Variants in SMCO4 observed in about 807,000 individuals in gnomAD.
The protein encoded by SMCO4 is single-pass membrane and coiled-coil domain-containing protein 4.
Under a neutral mutation model 3.6 loss-of-function variants are expected in SMCO4, and 4 were observed. The observed-to-expected ratio is 1.11, with a 90% CI of 0.54 to 2.53. SMCO4 has a LOEUF of 2.53. Among genes scored for constraint, SMCO4 ranks in the 30% most tolerant of loss-of-function variants. The pLI, the probability that SMCO4 is intolerant of heterozygous loss-of-function variation, is 0.02. For synonymous variants in SMCO4, 36 were observed against 35.3 expected (o/e 1.02, Z -0.07); for missense variants, 70 against 80.8 (o/e 0.87, Z 0.51).
chr11:93,506,122 C>T (rs572889821), intron 1 of SMCO4, among the ~76,000 whole-genome samples: 52 of 152,276 alleles, frequency 3.4e-4, no homozygotes, highest in African/African-American at 1.1e-3. Flanking sequence ...TGCACACACA[C>T]ACACGGGGAG....
chr11:93,545,314 G>A (rs1025009876), upstream of SMCO4, among the ~76,000 whole-genome samples: 1 of 152,162 alleles, frequency 6.6e-6, no homozygotes, highest in Non-Finnish European at 1.5e-5. Context: ...TTGGCTGGGC[G>A]TGGTGGCTTA....
chr11:93,523,654 G>A (rs368936922), intron 1 of SMCO4, among the ~76,000 whole-genome samples: 10 of 152,294 alleles, frequency 6.6e-5, no homozygotes, highest in South Asian at 2.1e-4. Flanking sequence ...GCAAGACCCC[G>A]CAAGAAATGA....
upstream of SMCO4, among the ~76,000 whole-genome samples, chr11:93,546,653 C>A (rs185387677): frequency 6.6e-6 from 1 of 152,162 alleles, no homozygotes; most frequent in South Asian, 2.1e-4. Flanking sequence ...CTGGGATGAC[C>A]AATTCACAGT....
intron 1 of SMCO4, among the ~76,000 whole-genome samples, chr11:93,502,903 C>T (rs867413614): frequency 6.6e-6 from 1 of 152,190 alleles, no homozygotes; most frequent in African/African-American, 2.4e-5. Context: ...CACAGGCCAG[C>T]CACTAACCTG....
At chr11:93,539,070 T>C (rs538267411) in intron 1 of SMCO4, among the ~76,000 whole-genome samples, 5 of 152,296 alleles carry the variant, frequency 3.3e-5, no homozygotes, top group East Asian at 3.9e-4. Context: ...TTGCTGGCTA[T>C]GTGAACACAC....
intron 2 of SMCO4, among the ~76,000 whole-genome samples, chr11:93,490,769 A>G (rs1288388340): frequency 6.6e-6 from 1 of 152,230 alleles, no homozygotes; most frequent in African/African-American, 2.4e-5. Context: ...TAAAAGACAG[A>G]ACCTAAACCA....
chr11:93,483,814 A>G lies in SMCO4; in HGVS notation c.-80-4545T>C, dbSNP rs144815393. ...TGGCAGAGTCAAAGGTCAAACCCAC[A>G]TCTGTGACTCTGAAGCCTGGACAGT... On this transcript the variant is annotated intron_variant, in intron 2 of 2. Coordinates refer to ENST00000298966, the MANE Select transcript of SMCO4 (RefSeq NM_020179.3). Among the ~76,000 whole-genome samples, 15 of 152,312 alleles carry G rather than the reference A, an allele frequency of 9.8e-5. No individual in the cohort carries two copies. The East Asian group carries it at 2.9e-3, about 29-fold the overall frequency.
At chr11:93,533,799 C>G (rs188892892) in intron 1 of SMCO4, among the ~76,000 whole-genome samples, 2 of 152,096 alleles carry the variant, frequency 1.3e-5, no homozygotes, top group Non-Finnish European at 2.9e-5. Context: ...TCATCTGCCC[C>G]GACAGCTACT....
chr11:93,497,540 ACT>A lies in SMCO4; in HGVS notation c.-81+1734_-81+1735del, dbSNP rs1948788605. On this transcript the variant is annotated intron_variant, in intron 2 of 2. Coordinates refer to ENST00000298966, the MANE Select transcript of SMCO4 (RefSeq NM_020179.3). ...AGGGTGGAGGGAGCACCAGGGTCAG[ACT>A]CTCAACAGAAGGTCAAGACTCCCCT... 5.3e-5 allele frequency among the ~76,000 whole-genome samples: 8 copies of A among 152,082 alleles called. No individual in the cohort carries two copies. In the South Asian group the frequency reaches 1.7e-3, roughly 32 times the overall value.
chr11:93,552,533 G>A, the SMCO4 span, among the ~76,000 whole-genome samples: 5 of 150,082 alleles, frequency 3.3e-5, no homozygotes, highest in Admixed American at 2.0e-4. Context: ...GTACAATGGC[G>A]TGATCTCGGC....
At chr11:93,534,357 C>G (rs547861685) in intron 1 of SMCO4, among the ~76,000 whole-genome samples, 1 of 87,028 alleles carries the variant, frequency 1.1e-5, no homozygotes, top group South Asian at 5.0e-4. Flanking sequence ...TATACACATA[C>G]ATATATATAT....
chr11:93,507,370 A>G (rs2134605738), intron 1 of SMCO4, among the ~76,000 whole-genome samples: 1 of 152,330 alleles, frequency 6.6e-6, no homozygotes, highest in Middle Eastern at 3.4e-3. Context: ...ACTGCACTTC[A>G]GCCTGGGGGA....
At chr11:93,512,842 C>A (rs1482880991) in intron 1 of SMCO4, among the ~76,000 whole-genome samples, 1 of 152,126 alleles carries the variant, frequency 6.6e-6, no homozygotes, top group East Asian at 1.9e-4. Flanking sequence ...AAGGGTACTA[C>A]AATACAATAC....
intron 2 of SMCO4, chr11:93,481,505 C>T (rs1400459930): frequency 1.0e-6 from 1 of 985,234 alleles, no homozygotes; most frequent in Admixed American, 6.1e-5. Context: ...GCGGCGAATT[C>T]GTGCTAGCTG....
intron 1 of SMCO4, among the ~76,000 whole-genome samples, chr11:93,501,281 G>A (rs1393014667): frequency 6.6e-6 from 1 of 152,222 alleles, no homozygotes. Context: ...CACATAAACA[G>A]CAGAAGTGTC....
chr11:93,479,273 TAG>T lies in SMCO4; in HGVS notation c.-80-6_-80-5del. 6.5e-7 allele frequency: 1 copy of T among 1,529,120 alleles called. No homozygotes were observed. Among genetic ancestry groups the T allele is most frequent in the African/African-American group, 1.4e-5 (1 of 72,394 alleles). The allele number at this position is 1,529,120 out of a possible 1,614,324, so 94.7% of individuals were successfully genotyped here. ...CTCTTGCCAAGGCTGGAACCTCCTGTAGAGAGAACAACTGTGATAGTAGAGAA... is the reference window on the plus strand; with the variant it reads ...CTCTTGCCAAGGCTGGAACCTCCTGTAGAGAACAACTGTGATAGTAGAGAA... On this transcript the variant is annotated splice_region_variant and splice_polypyrimidine_tract_variant and intron_variant, in intron 2 of 2. Transcript: ENST00000298966.
At chr11:93,539,303 G>C (rs189331545) in intron 1 of SMCO4, among the ~76,000 whole-genome samples, 2 of 151,456 alleles carry the variant, frequency 1.3e-5, no homozygotes, top group Admixed American at 6.6e-5. Flanking sequence ...TAAAAATGAA[G>C]GGTCATAAAT....
chr11:93,493,619 A>G (rs532365117), intron 2 of SMCO4, among the ~76,000 whole-genome samples: 1 of 152,128 alleles, frequency 6.6e-6, no homozygotes, highest in Admixed American at 6.5e-5. Flanking sequence ...CCCATGTCTG[A>G]TCTTAGTCCT....
Position 93,534,148 on chromosome 11 carries a change from G to A in SMCO4, c.-154+9128C>T, listed in dbSNP as rs560566650. Among the ~76,000 whole-genome samples, 11 of 149,940 alleles carry A rather than the reference G, an allele frequency of 7.3e-5. No individual in the cohort carries two copies. In the East Asian group the frequency reaches 7.8e-4, roughly 11 times the overall value. On this transcript the variant is annotated intron_variant, in intron 1 of 2. Coordinates refer to ENST00000298966, the MANE Select transcript of SMCO4 (RefSeq NM_020179.3). ...AGAGGTTGAAATGAGCTAAGATCGC[G>A]GCACAGCACTCCAGCCTGGGCGACA...
Sources: gnomAD v4.1 joint callset for allele counts (sites outside exome capture counted in the v4.1 genomes callset) on GRCh38, gnomAD v4.1.1 for gene constraint, MANE v1.5 for transcripts, NCBI Gene and HGNC (gene_info 2026-07-23, HGNC 2026-07-21) for gene names.